Variants in FBXO34 observed in about 807,000 individuals in gnomAD.
The protein encoded by FBXO34 is F-box protein 34, also known as F-box only protein 34.
FBXO34 carries 12 observed loss-of-function variants against 24.5 expected under a neutral mutation model. The observed-to-expected ratio is 0.49, with a 90% CI of 0.31 to 0.79. The LOEUF is 0.79. Among genes scored for constraint, FBXO34 ranks in the 30% least tolerant of loss-of-function variants. The pLI is 0.04. For missense variants in FBXO34, 823 were observed against 857.7 expected (o/e 0.96, Z 0.51); for synonymous variants, 320 against 311.9 (o/e 1.03, Z -0.27).
the FBXO34 span, among the ~76,000 whole-genome samples, chr14:55,375,490 A>AATTTTTTT: frequency 1.3e-4 from 15 of 117,796 alleles, 1 homozygote; most frequent in Non-Finnish European, 1.5e-4. Context: ...GCCGGGCTAA[A>AATTTTTTT]TTTTTTTTTT....
chr14:55,379,292 G>A, the FBXO34 span, among the ~76,000 whole-genome samples: 8 of 152,002 alleles, frequency 5.3e-5, no homozygotes, highest in African/African-American at 1.9e-4. Context: ...TCCCAGCACT[G>A]TGGGAGGCAG....
At chr14:55,440,519 C>G in the FBXO34 span, 1 of 1,609,858 alleles carries the variant, frequency 6.2e-7, no homozygotes, top group Non-Finnish European at 8.5e-7. Context: ...GCCTCGGAAC[C>G]CGCTCCGGCC....
downstream of FBXO34, among the ~76,000 whole-genome samples, chr14:55,355,425 T>C (rs17674390): frequency 0.027 from 4,186 of 152,306 alleles, 82 homozygotes; most frequent in Middle Eastern, 0.065. Context: ...CCTCTTCTTG[T>C]CTGTCACCGT....
chr14:55,331,276 C>G (rs1453963642), intron 1 of FBXO34, among the ~76,000 whole-genome samples: 2 of 151,984 alleles, frequency 1.3e-5, no homozygotes, highest in African/African-American at 4.8e-5. Context: ...TTGAATTTCT[C>G]TGGTAAAAAT....
chr14:55,308,328 G>A (rs982225177), intron 1 of FBXO34, among the ~76,000 whole-genome samples: 15 of 152,154 alleles, frequency 9.9e-5, no homozygotes, highest in Admixed American at 5.9e-4. Flanking sequence ...AGTTTTAAAG[G>A]TATTTAATGT....
the FBXO34 span, chr14:55,411,740 T>A: frequency 6.2e-7 from 1 of 1,610,498 alleles, no homozygotes; most frequent in East Asian, 2.2e-5. Context: ...GTCCACGGAG[T>A]CCACCAGGTC....
chr14:55,327,908 GTTTTTTTTT>G (rs386381425), intron 1 of FBXO34, among the ~76,000 whole-genome samples: 97 of 48,714 alleles, frequency 2.0e-3, no homozygotes, highest in Middle Eastern at 0.017. Context: ...GTTGTTGTTG[GTTTTTTTTT>G]TTTTTTTTTT....
chr14:55,412,189 T>C, the FBXO34 span, among the ~76,000 whole-genome samples: 36 of 152,302 alleles, frequency 2.4e-4, no homozygotes, highest in African/African-American at 8.7e-4. Context: ...GTGGATGCTT[T>C]AAAATCTGGC....
At chr14:55,332,352 T>C (rs1883625009) in intron 1 of FBXO34, among the ~76,000 whole-genome samples, 1 of 152,096 alleles carries the variant, frequency 6.6e-6, no homozygotes, top group Non-Finnish European at 1.5e-5. Flanking sequence ...TTATGGCAAA[T>C]GTTACTGTCC....
chr14:55,327,519 C>T (rs1883378317), intron 1 of FBXO34, among the ~76,000 whole-genome samples: 1 of 152,056 alleles, frequency 6.6e-6, no homozygotes, highest in Non-Finnish European at 1.5e-5. Flanking sequence ...ATAGAGCCAA[C>T]AGGATTTGCA....
intron 1 of FBXO34, among the ~76,000 whole-genome samples, chr14:55,337,290 T>C (rs541817818): frequency 2.6e-5 from 4 of 152,330 alleles, no homozygotes; most frequent in African/African-American, 7.2e-5. Context: ...TATGGTTATA[T>C]TTTAATGCTA....
chr14:55,397,343 C>T, the FBXO34 span: 2 of 1,597,886 alleles, frequency 1.3e-6, no homozygotes, highest in Middle Eastern at 1.7e-4. Context: ...ATCACCTCCA[C>T]AAATTAAAAG....
the FBXO34 span, among the ~76,000 whole-genome samples, chr14:55,442,080 A>G: frequency 6.6e-6 from 1 of 151,236 alleles, no homozygotes; most frequent in African/African-American, 2.4e-5. Context: ...GACACTTTTT[A>G]TGTAAGATAC....
intron 1 of FBXO34, among the ~76,000 whole-genome samples, chr14:55,332,701 A>G (rs1009913977): frequency 1.3e-5 from 2 of 152,188 alleles, no homozygotes; most frequent in Non-Finnish European, 2.9e-5. Flanking sequence ...AAAATGTGGT[A>G]TGTTTTGAAC....
chr14:55,428,675 C>T, the FBXO34 span: 9 of 977,664 alleles, frequency 9.2e-6, no homozygotes, highest in Non-Finnish European at 1.2e-5. Flanking sequence ...GCATCTTAAT[C>T]TTTTCACTAT....
At chr14:55,359,123 G>A (rs1209360006) in intron 3 of FBXO34, among the ~76,000 whole-genome samples, 1 of 152,134 alleles carries the variant, frequency 6.6e-6, no homozygotes, top group Non-Finnish European at 1.5e-5. Flanking sequence ...TGGACCTAGA[G>A]GGGCAAATGT....
downstream of FBXO34, among the ~76,000 whole-genome samples, chr14:55,373,334 T>C (rs1884858153): frequency 1.3e-5 from 2 of 152,236 alleles, no homozygotes; most frequent in African/African-American, 2.4e-5. Context: ...TTTTATAATA[T>C]ATCCTATTTC....
At chr14:55,399,539 G>C in the FBXO34 span, among the ~76,000 whole-genome samples, 1 of 152,132 alleles carries the variant, frequency 6.6e-6, no homozygotes, top group Non-Finnish European at 1.5e-5. Flanking sequence ...ACAAAACAAG[G>C]CATCCTCCAG....
the FBXO34 span, among the ~76,000 whole-genome samples, chr14:55,375,816 A>G: frequency 6.6e-6 from 1 of 152,242 alleles, no homozygotes; most frequent in Admixed American, 6.5e-5. Context: ...CAGCACTGAT[A>G]GTAGGCATCC....
Sources: gnomAD v4.1 joint callset for allele counts (sites outside exome capture counted in the v4.1 genomes callset) on GRCh38, gnomAD v4.1.1 for gene constraint, MANE v1.5 for transcripts, NCBI Gene and HGNC (gene_info 2026-07-23, HGNC 2026-07-21) for gene names.